The following SHANK2 variants were observed in gnomAD, a reference collection of about 807,000 sequenced individuals.
The protein encoded by SHANK2 is SH3 and multiple ankyrin repeat domains 2.
A neutral mutation model predicts 133.7 loss-of-function variants in SHANK2; 43 were observed. The ratio of observed to expected loss-of-function variants is 0.32; its 90% CI spans 0.25 to 0.41. The LOEUF (loss-of-function observed/expected upper bound fraction) is 0.41, where lower values mean the gene tolerates loss of function less well. Ranked by LOEUF, SHANK2 falls within the 10% of genes least tolerant of loss-of-function variation. The pLI, the probability that SHANK2 is intolerant of heterozygous loss-of-function variation, is 1.00. For synonymous variants in SHANK2, 1,017 were observed against 952.8 expected, an observed-to-expected ratio of 1.07 and a Z score of -1.24; for missense variants, 1,994 against 2,235.8, an observed-to-expected ratio of 0.89 and a Z score of 2.18.
chr11:70,896,912 C>A (rs1282748971), intron 10 of SHANK2, among the ~76,000 whole-genome samples: 1 of 152,130 alleles, frequency 6.6e-6, no homozygotes, highest in Non-Finnish European at 1.5e-5. Flanking sequence ...TGTGTACCCA[C>A]GGGGCTTGAT....
chr11:70,778,437 T>C (rs1399580135), intron 14 of SHANK2, among the ~76,000 whole-genome samples: 1 of 152,194 alleles, frequency 6.6e-6, no homozygotes, highest in Non-Finnish European at 1.5e-5. Flanking sequence ...TGTGTCCCCC[T>C]CAAAACTCCT....
intron 10 of SHANK2, among the ~76,000 whole-genome samples, chr11:70,918,186 A>T (rs1402962422): frequency 6.6e-6 from 1 of 152,172 alleles, no homozygotes; most frequent in South Asian, 2.1e-4. Flanking sequence ...TCAACAAGAG[A>T]TTCATCTCCC....
At chr11:71,067,576 G>A (rs1421837613) in intron 9 of SHANK2, among the ~76,000 whole-genome samples, 13 of 152,192 alleles carry the variant, frequency 8.5e-5, no homozygotes, top group Non-Finnish European at 1.5e-4. Flanking sequence ...AAGTGTGGAG[G>A]TGGTAAGGCC....
At chr11:70,890,743 G>T (rs1949828261) in intron 11 of SHANK2, among the ~76,000 whole-genome samples, 1 of 148,412 alleles carries the variant, frequency 6.7e-6, no homozygotes, top group Admixed American at 6.8e-5. Context: ...AGGCTGCAGT[G>T]AGCCAAGATC....
chr11:71,200,591 A>C (rs951698067), intron 2 of SHANK2, among the ~76,000 whole-genome samples: 7 of 151,632 alleles, frequency 4.6e-5, no homozygotes, highest in South Asian at 2.1e-4. Flanking sequence ...CATTTAACAT[A>C]ACTCTACATT....
At chr11:70,778,677 C>T (rs782055859) in intron 14 of SHANK2, among the ~76,000 whole-genome samples, 1 of 152,188 alleles carries the variant, frequency 6.6e-6, no homozygotes, top group Non-Finnish European at 1.5e-5. Context: ...ACTTCCCCTG[C>T]CAGCCCCTGA....
At chr11:70,849,304 C>T (rs915512072) in intron 11 of SHANK2, among the ~76,000 whole-genome samples, 1 of 152,172 alleles carries the variant, frequency 6.6e-6, no homozygotes, top group African/African-American at 2.4e-5. Flanking sequence ...TATACACATG[C>T]ATGCATGCCA....
intron 17 of SHANK2, among the ~76,000 whole-genome samples, chr11:70,624,785 C>A (rs1353589233): frequency 6.6e-6 from 1 of 152,170 alleles, no homozygotes; most frequent in Non-Finnish European, 1.5e-5. Context: ...CTGCTAGAAA[C>A]GTCCCCGGTG....
intron 14 of SHANK2, among the ~76,000 whole-genome samples, chr11:70,713,621 G>A (rs566544170): frequency 2.5e-4 from 38 of 152,330 alleles, no homozygotes; most frequent in Middle Eastern, 6.8e-3. Context: ...CCAAGAGTCT[G>A]AGGAAGAGAA....
chr11:70,550,958 C>T (rs543296771), intron 17 of SHANK2, among the ~76,000 whole-genome samples: 34 of 152,316 alleles, frequency 2.2e-4, no homozygotes, highest in Admixed American at 1.8e-3. Flanking sequence ...CAAACAGCCA[C>T]GCTGCAGTGG....
intron 9 of SHANK2, among the ~76,000 whole-genome samples, chr11:71,073,631 C>T (rs1442061873): frequency 6.6e-6 from 1 of 152,092 alleles, no homozygotes; most frequent in Non-Finnish European, 1.5e-5. Flanking sequence ...CCATACCCGG[C>T]TGATTTTTAA....
intron 2 of SHANK2, among the ~76,000 whole-genome samples, chr11:71,148,624 G>A (rs1277034118): frequency 1.2e-4 from 18 of 152,230 alleles, no homozygotes; most frequent in Non-Finnish European, 1.2e-4. Flanking sequence ...AGGCATAGAA[G>A]ATTGTTCCCT....
intron 17 of SHANK2, among the ~76,000 whole-genome samples, chr11:70,623,662 G>A (rs905977728): frequency 2.6e-5 from 4 of 152,222 alleles, no homozygotes; most frequent in Non-Finnish European, 5.9e-5. Context: ...CCAGCCACCC[G>A]CGGCTGCTTA....
At chr11:70,930,053 A>C (rs1432474792) in intron 10 of SHANK2, among the ~76,000 whole-genome samples, 8 of 152,188 alleles carry the variant, frequency 5.3e-5, no homozygotes, top group African/African-American at 1.9e-4. Context: ...CAGCAAACAC[A>C]GGTAACATTT....
At chr11:70,516,838 T>G (rs782691647) in intron 17 of SHANK2, among the ~76,000 whole-genome samples, 7 of 151,848 alleles carry the variant, frequency 4.6e-5, no homozygotes, top group Non-Finnish European at 5.9e-5. Flanking sequence ...GGGGGCCGAG[T>G]CGGGTGGATC....
chr11:70,660,155 A>G (rs929815599), intron 16 of SHANK2, among the ~76,000 whole-genome samples: 3 of 152,172 alleles, frequency 2.0e-5, no homozygotes, highest in Non-Finnish European at 4.4e-5. Flanking sequence ...AGTCAATTGC[A>G]CCTTGGGGCC....
chr11:70,520,396 C>G (rs142115497), intron 17 of SHANK2, among the ~76,000 whole-genome samples: 1 of 152,236 alleles, frequency 6.6e-6, no homozygotes, highest in East Asian at 1.9e-4. Flanking sequence ...GGCTGCTGGT[C>G]AGGTCTTTTG....
At chr11:71,133,346 A>ATGGCTGGCTGGC (rs57172693) in intron 3 of SHANK2, among the ~76,000 whole-genome samples, 47,428 of 111,588 alleles carry the variant, frequency 0.43, 11,403 homozygotes, top group East Asian at 0.6. Flanking sequence ...GGGAGGATGC[A>ATGGCTGGCTGGC]TGGCTGGCTG....
intron 8 of SHANK2, among the ~76,000 whole-genome samples, chr11:71,087,512 A>G (rs1951435037): frequency 6.6e-6 from 1 of 152,190 alleles, no homozygotes; most frequent in Admixed American, 6.5e-5. Flanking sequence ...GAAAACAGCA[A>G]TGCAACCAGA....
Sources: allele counts gnomAD v4.1 joint callset (sites outside exome capture counted in the v4.1 genomes callset), GRCh38; gene constraint gnomAD v4.1.1; transcripts MANE v1.5; gene names NCBI Gene and HGNC (gene_info 2026-07-23, HGNC 2026-07-21).